Variants in GRIA4 observed in about 807,000 individuals in gnomAD.
GRIA4 encodes glutamate receptor 4.
GRIA4 carries 34 observed loss-of-function variants against 104.0 expected under a neutral mutation model. The observed-to-expected ratio is 0.33, with a 90% CI of 0.25 to 0.44. The LOEUF (loss-of-function observed/expected upper bound fraction) is 0.44. Ranked by LOEUF, GRIA4 falls within the 20% of genes least tolerant of loss-of-function variation. GRIA4 has a pLI of 1.00. For missense variants in GRIA4, 750 were observed against 1,096.5 expected, an observed-to-expected ratio of 0.68 and a Z score of 4.46; for synonymous variants, 386 against 381.9, an observed-to-expected ratio of 1.01 and a Z score of -0.13.
At chr11:105,812,442 A>C (rs1008533454) in intron 4 of GRIA4, among the ~76,000 whole-genome samples, 2 of 152,122 alleles carry the variant, frequency 1.3e-5, no homozygotes, top group African/African-American at 4.8e-5. Context: ...AATCAGCCAC[A>C]CCTTGATTTG....
chr11:105,727,850 C>A (rs1938319033), intron 3 of GRIA4, among the ~76,000 whole-genome samples: 1 of 152,132 alleles, frequency 6.6e-6, no homozygotes, highest in Non-Finnish European at 1.5e-5. Context: ...ACCACCAGGC[C>A]TGCCTTACAA....
rs542674332 is a variant in GRIA4, at chr11:105,713,318, G to A, written c.248-39663G>A. ...AATGACTTGAACCTGAGAGGTGGAG[G>A]CTGCAGTGAGCTGAGATTGCACCAC... On this transcript the variant is annotated intron_variant, in intron 3 of 16. Coordinates refer to ENST00000282499, the MANE Select transcript of GRIA4 (RefSeq NM_000829.4). Among the ~76,000 whole-genome samples, 627 of 151,926 alleles carry A rather than the reference G, an allele frequency of 4.1e-3. 5 individuals carry two copies. The highest frequency in any genetic ancestry group is 0.014 in the African/African-American group (582 of 41,434).
intron 11 of GRIA4, 114 bp from the exon 12 acceptor site, chr11:105,924,285 A>G (rs1947647774): frequency 2.7e-6 from 2 of 731,746 alleles, no homozygotes; most frequent in Non-Finnish European, 4.4e-6. Context: ...TGGCACTCCA[A>G]AAATAAATGT....
intron 4 of GRIA4, among the ~76,000 whole-genome samples, chr11:105,756,406 C>A (rs930629392): frequency 5.9e-5 from 9 of 152,082 alleles, no homozygotes; most frequent in African/African-American, 2.2e-4. Context: ...TCCTAATTAC[C>A]GCATTCCACC....
chr11:105,816,461 T>C (rs1218050228), intron 4 of GRIA4, among the ~76,000 whole-genome samples: 1 of 152,152 alleles, frequency 6.6e-6, no homozygotes, highest in African/African-American at 2.4e-5. Context: ...GGTCTCTTGC[T>C]CCTGCTTTCA....
chr11:105,720,453 A>G (rs944799141), intron 3 of GRIA4, among the ~76,000 whole-genome samples: 1 of 152,148 alleles, frequency 6.6e-6, no homozygotes, highest in African/African-American at 2.4e-5. Context: ...TATGTGGCCT[A>G]TGAAATGATG....
chr11:105,921,303 TTGGGTG>T (rs1358185239), intron 11 of GRIA4, among the ~76,000 whole-genome samples: 27 of 118,136 alleles, frequency 2.3e-4, no homozygotes, highest in Non-Finnish European at 4.0e-4. Context: ...TCTACCACAC[TTGGGTG>T]TGTGTGTGTG....
intron 5 of GRIA4, among the ~76,000 whole-genome samples, chr11:105,875,674 C>A (rs1299268007): frequency 1.3e-5 from 2 of 152,086 alleles, no homozygotes; most frequent in Non-Finnish European, 2.9e-5. Context: ...TTATCCATTT[C>A]TTCTCGATGT....
intron 5 of GRIA4, 58 bp downstream of exon 5, chr11:105,862,266 G>T: frequency 8.5e-6 from 8 of 946,306 alleles, no homozygotes; most frequent in Non-Finnish European, 1.3e-5. Context: ...TTTAACCTTT[G>T]ATTGACTTGT....
intron 4 of GRIA4, among the ~76,000 whole-genome samples, chr11:105,838,936 G>T (rs1944289020): frequency 6.6e-6 from 1 of 152,154 alleles, no homozygotes; most frequent in Admixed American, 6.5e-5. Context: ...GCAAGCTGCT[G>T]CTAACACAGC....
At chr11:105,655,190 CATT>C (rs1176339266) in intron 3 of GRIA4, among the ~76,000 whole-genome samples, 3 of 152,116 alleles carry the variant, frequency 2.0e-5, no homozygotes, top group Admixed American at 6.6e-5. Flanking sequence ...TAATTTTCTA[CATT>C]ATACACATGA....
At chr11:105,932,677 A>G (rs999435789) in intron 13 of GRIA4, among the ~76,000 whole-genome samples, 1 of 152,100 alleles carries the variant, frequency 6.6e-6, no homozygotes, top group Admixed American at 6.6e-5. Context: ...AGAATGACCA[A>G]CTCCCTAGAA....
intron 3 of GRIA4, among the ~76,000 whole-genome samples, chr11:105,655,576 A>G (rs1591511859): frequency 6.6e-6 from 1 of 151,766 alleles, no homozygotes; most frequent in East Asian, 1.9e-4. Context: ...CTTATGACTT[A>G]TGTGGTGTTT....
intron 9 of GRIA4, among the ~76,000 whole-genome samples, chr11:105,907,311 A>G (rs1300475783): frequency 6.6e-6 from 1 of 152,042 alleles, no homozygotes; most frequent in South Asian, 2.1e-4. Context: ...AATGGTGTAG[A>G]CTCATCTATC....
intron 4 of GRIA4, among the ~76,000 whole-genome samples, chr11:105,846,383 C>T (rs1944596714): frequency 6.6e-6 from 1 of 152,112 alleles, no homozygotes; most frequent in Non-Finnish European, 1.5e-5. Context: ...TATTTACATA[C>T]ATATTCATTT....
intron 4 of GRIA4, among the ~76,000 whole-genome samples, chr11:105,849,302 G>A (rs1944712543): frequency 6.6e-6 from 1 of 152,174 alleles, no homozygotes; most frequent in Admixed American, 6.5e-5. Context: ...CACAGCTGCA[G>A]ACCATACTGG....
chr11:105,885,310 C>T (rs186645958), intron 5 of GRIA4, among the ~76,000 whole-genome samples: 129 of 152,266 alleles, frequency 8.5e-4, no homozygotes, highest in Admixed American at 2.2e-3. Flanking sequence ...TTTCATAAAC[C>T]GAGCTTTCTC....
chr11:105,745,967 G>A (rs183198001), intron 3 of GRIA4, among the ~76,000 whole-genome samples: 49 of 152,006 alleles, frequency 3.2e-4, no homozygotes, highest in Middle Eastern at 6.8e-3. Context: ...TCCTATTTCC[G>A]TAACTAAAAT....
intron 10 of GRIA4, chr11:105,912,996 T>C (rs1057363265): frequency 7.3e-6 from 7 of 954,190 alleles, no homozygotes; most frequent in Non-Finnish European, 2.5e-6. Flanking sequence ...TTGATTGAAA[T>C]TGATATGGTG....
Sources: gnomAD v4.1 joint callset for allele counts (sites outside exome capture counted in the v4.1 genomes callset) on GRCh38, gnomAD v4.1.1 for gene constraint, MANE v1.5 for transcripts, NCBI Gene and HGNC (gene_info 2026-07-23, HGNC 2026-07-21) for gene names.